The following GALNTL6 variants were observed in gnomAD, a reference collection of about 807,000 sequenced individuals.
The protein encoded by GALNTL6 is polypeptide N-acetylgalactosaminyltransferase like 6.
Under a neutral mutation model 73.7 loss-of-function variants are expected in GALNTL6, and 46 were observed. That is an observed-to-expected ratio of 0.62 (90% CI 0.49 to 0.80). The LOEUF is 0.80. Among genes scored for constraint, GALNTL6 ranks in the 30% least tolerant of loss-of-function variants. The pLI, the probability that GALNTL6 is intolerant of heterozygous loss-of-function variation, is 0.00. For synonymous variants in GALNTL6, 259 were observed against 263.7 expected, an observed-to-expected ratio of 0.98 and a Z score of 0.17; for missense variants, 604 against 755.0, an observed-to-expected ratio of 0.80 and a Z score of 2.34.
intron 5 of GALNTL6, among the ~76,000 whole-genome samples, chr4:172,617,262 G>A (rs898378089): frequency 4.0e-5 from 6 of 151,724 alleles, no homozygotes; most frequent in African/African-American, 1.5e-4. Flanking sequence ...AAGTTCTTTT[G>A]TAATAACAGC....
rs535205182 is a variant in GALNTL6, at chr4:171,996,368, T to C, written c.138+181650T>C. On this transcript the variant is annotated intron_variant, in intron 2 of 12. Coordinates refer to ENST00000506823, the MANE Select transcript of GALNTL6 (RefSeq NM_001034845.3). ...TGATCTATATTGCATTGTATTGATG[T>C]GATATTTCATGGACCATTATTTTAT... Among the ~76,000 whole-genome samples the C allele has an allele frequency of 9.2e-5, 14 of 152,250 alleles. No homozygotes were observed. In the East Asian group the frequency reaches 2.7e-3, roughly 29 times the overall value.
At chr4:172,708,398 C>T (rs2111316207) in intron 5 of GALNTL6, among the ~76,000 whole-genome samples, 1 of 152,274 alleles carries the variant, frequency 6.6e-6, no homozygotes, top group Non-Finnish European at 1.5e-5. Context: ...CAGGTGTCAT[C>T]CAGGCATTTC....
chr4:172,844,632 G>A (rs1743392801), intron 7 of GALNTL6, among the ~76,000 whole-genome samples: 2 of 152,186 alleles, frequency 1.3e-5, no homozygotes, highest in South Asian at 4.1e-4. Context: ...GCAAAATGGT[G>A]ACCACGTGGT....
chr4:172,394,428 CTTTTTT>C (rs201130774), intron 5 of GALNTL6, among the ~76,000 whole-genome samples: 1 of 120,180 alleles, frequency 8.3e-6, no homozygotes, highest in African/African-American at 3.3e-5. Flanking sequence ...TCTTCTTCTT[CTTTTTT>C]TTTTTTTTTT....
intron 4 of GALNTL6, among the ~76,000 whole-genome samples, chr4:172,342,846 C>T (rs1411225701): frequency 2.6e-5 from 4 of 152,164 alleles, no homozygotes; most frequent in Admixed American, 2.0e-4. Context: ...GGCTGCATGA[C>T]TAGTTCTGAC....
chr4:171,953,513 T>C (rs1738950745), intron 2 of GALNTL6, among the ~76,000 whole-genome samples: 1 of 152,192 alleles, frequency 6.6e-6, no homozygotes, highest in Non-Finnish European at 1.5e-5. Flanking sequence ...TCTTGGATTT[T>C]AATTATCAAT....
intron 5 of GALNTL6, among the ~76,000 whole-genome samples, chr4:172,660,760 T>G (rs1238257353): frequency 6.6e-6 from 1 of 152,162 alleles, no homozygotes; most frequent in African/African-American, 2.4e-5. Flanking sequence ...ATGCTATAAA[T>G]TATAGCAGAG....
rs1254099899 is a variant in GALNTL6, at chr4:172,809,405, A to G, written c.598A>G (p.Lys200Glu). 6.2e-7 allele frequency: 1 copy of G among 1,613,782 alleles called. No individual in the cohort carries two copies. Among genetic ancestry groups the G allele is most frequent in the Non-Finnish European group, 8.5e-7 (1 of 1,179,866 alleles). ...KLEEYMARFS[K>E]VRIVRTKKRE... is the part of the protein sequence containing the mutation. ...GGAAGAATACATGGCCCGATTTTCC[A>G]AAGTGAGGATTGTTCGCACCAAGAA... The change falls in exon 6 of 13, where the codon AAA (lysine) becomes GAA (glutamate). Residue 200 changes from lysine to glutamate, a missense_variant. Lys to Glu is a moderately conservative substitution (Grantham distance 56, BLOSUM62 1). Transcript: ENST00000506823. The surrounding 1 kb of genome is among the most constrained non-coding windows in gnomAD (Gnocchi z 4.4).
At chr4:172,309,292 A>G (rs969790460) in intron 3 of GALNTL6, among the ~76,000 whole-genome samples, 2 of 152,050 alleles carry the variant, frequency 1.3e-5, no homozygotes, top group African/African-American at 4.8e-5. Context: ...TTTTTGAGGA[A>G]TCACTGATAT....
At chr4:172,352,953 C>G (rs191492077) in intron 5 of GALNTL6, among the ~76,000 whole-genome samples, 2 of 152,188 alleles carry the variant, frequency 1.3e-5, no homozygotes, top group East Asian at 3.9e-4. Context: ...AGAAATCCAG[C>G]TTACTTTTGC....
chr4:172,439,193 C>G lies in GALNTL6; in HGVS notation c.553+90504C>G, dbSNP rs1222127256. Among the ~76,000 whole-genome samples the G allele has an allele frequency of 2.0e-5, 3 of 151,564 alleles. No homozygotes were observed. The East Asian group carries it at 5.9e-4, about 30-fold the overall frequency. On this transcript the variant is annotated intron_variant, in intron 5 of 12. Transcript: ENST00000506823. Reference sequence around the variant, plus strand: ...CCCTTCACACACACACACACACACACACACACACACACACACACTTCTCAC... The same window carrying G: ...CCCTTCACACACACACACACACACAGACACACACACACACACACTTCTCAC...
intron 5 of GALNTL6, among the ~76,000 whole-genome samples, chr4:172,764,513 TG>T (rs1440146558): frequency 1.3e-5 from 2 of 151,896 alleles, no homozygotes; most frequent in Non-Finnish European, 2.9e-5. Context: ...AATATAAGAA[TG>T]ATGAAATAAA....
chr4:171,949,520 A>G (rs987182570), intron 2 of GALNTL6, among the ~76,000 whole-genome samples: 2 of 152,194 alleles, frequency 1.3e-5, no homozygotes, highest in African/African-American at 2.4e-5. Flanking sequence ...AGAGGGGAAA[A>G]AAGCGTAATG....
At chr4:171,891,327 C>G (rs530828169) in intron 2 of GALNTL6, among the ~76,000 whole-genome samples, 1 of 152,298 alleles carries the variant, frequency 6.6e-6, no homozygotes, top group South Asian at 2.1e-4. Flanking sequence ...AGCCAGCGTT[C>G]TTGGAGTCTG....
At chr4:172,162,070 A>G (rs1734487747) in intron 2 of GALNTL6, among the ~76,000 whole-genome samples, 1 of 152,058 alleles carries the variant, frequency 6.6e-6, no homozygotes, top group Non-Finnish European at 1.5e-5. Context: ...AAGATATACC[A>G]TAGTTGGGAG....
intron 4 of GALNTL6, among the ~76,000 whole-genome samples, chr4:172,326,150 C>A (rs1029785120): frequency 4.6e-5 from 7 of 151,598 alleles, no homozygotes; most frequent in African/African-American, 1.7e-4. Flanking sequence ...TTTAAATGAA[C>A]AAAAATAAAG....
chr4:172,433,501 G>A (rs999265660), intron 5 of GALNTL6, among the ~76,000 whole-genome samples: 1 of 42,898 alleles, frequency 2.3e-5, no homozygotes, highest in Non-Finnish European at 5.6e-5. Context: ...AGAGATTTGC[G>A]AAGATGATCA....
chr4:172,357,857 G>A (rs982108362), intron 5 of GALNTL6, among the ~76,000 whole-genome samples: 15 of 151,914 alleles, frequency 9.9e-5, no homozygotes, highest in African/African-American at 3.4e-4. Context: ...TGACAGCTTC[G>A]ACTTTTACAT....
At chr4:172,177,972 A>G (rs780782909) in intron 2 of GALNTL6, among the ~76,000 whole-genome samples, 2 of 151,882 alleles carry the variant, frequency 1.3e-5, no homozygotes, top group Non-Finnish European at 2.9e-5. Context: ...TATGTCATTC[A>G]ATGATATCAA....
Sources: allele counts gnomAD v4.1 joint callset (sites outside exome capture counted in the v4.1 genomes callset), GRCh38; gene constraint gnomAD v4.1.1; non-coding constraint Gnocchi (gnomAD v3.1); transcripts MANE v1.5; gene names NCBI Gene and HGNC (gene_info 2026-07-23, HGNC 2026-07-21).